Variants in PPFIA2 observed in about 807,000 individuals in gnomAD.
The protein encoded by PPFIA2 is PPFI scaffold protein A2, also known as liprin-alpha-2.
A neutral mutation model predicts 175.5 loss-of-function variants in PPFIA2; 46 were observed. That is an observed-to-expected ratio of 0.26 (90% CI 0.21 to 0.34). The LOEUF (loss-of-function observed/expected upper bound fraction) is 0.34. Ranked by LOEUF, PPFIA2 falls within the 10% of genes least tolerant of loss-of-function variation. PPFIA2 has a pLI of 1.00. For synonymous variants in PPFIA2, 568 were observed against 511.4 expected, an observed-to-expected ratio of 1.11 and a Z score of -1.49; for missense variants, 1,179 against 1,506.1, an observed-to-expected ratio of 0.78 and a Z score of 3.60.
chr12:81,425,971 C>T (rs1246522995), intron 7 of PPFIA2, among the ~76,000 whole-genome samples: 2 of 152,096 alleles, frequency 1.3e-5, no homozygotes, highest in Non-Finnish European at 2.9e-5. Context: ...GGAGGTCAGG[C>T]TTTTGCCCTC....
chr12:81,654,335 A>C (rs2067465195), intron 4 of PPFIA2, among the ~76,000 whole-genome samples: 1 of 152,036 alleles, frequency 6.6e-6, no homozygotes, highest in African/African-American at 2.4e-5. Flanking sequence ...AAATAAACAA[A>C]ACATAATTGT....
chr12:81,642,449 A>G (rs532123841), intron 4 of PPFIA2, among the ~76,000 whole-genome samples: 2 of 151,394 alleles, frequency 1.3e-5, no homozygotes, highest in South Asian at 2.1e-4. Flanking sequence ...TAATGTTAAT[A>G]AAAACTGAAA....
At chr12:81,629,133 C>A (rs775836825) in intron 4 of PPFIA2, among the ~76,000 whole-genome samples, 9 of 152,018 alleles carry the variant, frequency 5.9e-5, no homozygotes, top group Non-Finnish European at 1.3e-4. Flanking sequence ...ATCATACGAG[C>A]TTTGAAAATG....
chr12:81,475,697 G>A (rs967884175), intron 4 of PPFIA2, among the ~76,000 whole-genome samples: 2 of 152,102 alleles, frequency 1.3e-5, no homozygotes, highest in Non-Finnish European at 2.9e-5. Flanking sequence ...GGTTAAAAAT[G>A]TGAACGCTGA....
intron 28 of PPFIA2, among the ~76,000 whole-genome samples, chr12:81,271,720 T>C (rs1040291783): frequency 2.6e-5 from 4 of 152,218 alleles, no homozygotes; most frequent in African/African-American, 9.6e-5. Flanking sequence ...TTAATTTCAC[T>C]TATTCCCTTC....
chr12:81,669,088 T>C (rs143986726), intron 4 of PPFIA2, among the ~76,000 whole-genome samples: 1 of 152,116 alleles, frequency 6.6e-6, no homozygotes, highest in East Asian at 1.9e-4. Context: ...ACATACGGCA[T>C]TCTAAATTTG....
chr12:81,285,715 G>A (rs148627030), intron 24 of PPFIA2, among the ~76,000 whole-genome samples: 1,999 of 152,084 alleles, frequency 0.013, 20 homozygotes, highest in Middle Eastern at 0.024. Context: ...ACTGCCAGTC[G>A]TCTAAAAGTA....
intron 22 of PPFIA2, chr12:81,302,559 A>C (rs12311061): frequency 3.6e-6 from 1 of 279,256 alleles, no homozygotes; most frequent in African/African-American, 2.2e-5. Flanking sequence ...GGTTTCCAAC[A>C]GTTAGGGCAA....
At chr12:81,519,375 T>G (rs756071580) in intron 4 of PPFIA2, among the ~76,000 whole-genome samples, 1 of 152,230 alleles carries the variant, frequency 6.6e-6, no homozygotes, top group African/African-American at 2.4e-5. Flanking sequence ...AGTCACAATG[T>G]AGTTCCCAAA....
Position 81,612,884 on chromosome 12 carries a change from G to A in PPFIA2, c.303+63907C>T, listed in dbSNP as rs552548197. Among the ~76,000 whole-genome samples, 20 of 152,038 alleles carry A rather than the reference G, an allele frequency of 1.3e-4. No homozygotes were observed. In the South Asian group the frequency reaches 3.9e-3, roughly 30 times the overall value. On this transcript the variant is annotated intron_variant, in intron 4 of 32. Coordinates refer to ENST00000549396, the MANE Select transcript of PPFIA2 (RefSeq NM_003625.5). ...AAATTTAAAATGGTGTTTTCTTTCCGTATTTTATTTCTTCTTATTTGTTAA... is the reference window on the plus strand; with the variant it reads ...AAATTTAAAATGGTGTTTTCTTTCCATATTTTATTTCTTCTTATTTGTTAA...
chr12:81,402,277 G>A (rs187978060), intron 8 of PPFIA2, among the ~76,000 whole-genome samples: 14 of 152,118 alleles, frequency 9.2e-5, no homozygotes, highest in Admixed American at 2.6e-4. Flanking sequence ...TACAGTCATC[G>A]TTGATAATCT....
chr12:81,612,829 A>G (rs2061063173), intron 4 of PPFIA2, among the ~76,000 whole-genome samples: 1 of 152,222 alleles, frequency 6.6e-6, no homozygotes, highest in African/African-American at 2.4e-5. Flanking sequence ...TTATCTACAT[A>G]AATACACGTG....
At chr12:81,507,453 G>T (rs934140543) in intron 4 of PPFIA2, among the ~76,000 whole-genome samples, 1 of 151,948 alleles carries the variant, frequency 6.6e-6, no homozygotes, top group Non-Finnish European at 1.5e-5. Context: ...GTTTTTAATT[G>T]AGTTTTATAT....
At chr12:81,465,031 G>C (rs1029733522) in intron 4 of PPFIA2, among the ~76,000 whole-genome samples, 1 of 152,118 alleles carries the variant, frequency 6.6e-6, no homozygotes. Context: ...CCCACCTCAG[G>C]AAAGCTGGTT....
intron 22 of PPFIA2, chr12:81,312,456 G>T: frequency 2.4e-6 from 1 of 409,782 alleles, no homozygotes; most frequent in African/African-American, 2.0e-5. Flanking sequence ...TCCCAGCCTC[G>T]AGTACATCCC....
chr12:81,489,732 A>T (rs1167917271), intron 4 of PPFIA2, among the ~76,000 whole-genome samples: 2 of 151,954 alleles, frequency 1.3e-5, no homozygotes, highest in East Asian at 1.9e-4. Flanking sequence ...CAAGCTATAC[A>T]TGAATAGTGA....
intron 7 of PPFIA2, among the ~76,000 whole-genome samples, chr12:81,425,755 G>T (rs149286985): frequency 7.2e-5 from 11 of 152,008 alleles, no homozygotes; most frequent in Admixed American, 6.6e-4. Context: ...AAACTTCCAC[G>T]ACACATTTTC....
At chr12:81,695,835 A>G (rs1437507534) in intron 3 of PPFIA2, among the ~76,000 whole-genome samples, 3 of 152,126 alleles carry the variant, frequency 2.0e-5, no homozygotes, top group Admixed American at 1.3e-4. Context: ...TATATTTCCC[A>G]ACTCTGGTTT....
chr12:81,436,646 T>C (rs1566823314), intron 7 of PPFIA2, among the ~76,000 whole-genome samples: 1 of 152,306 alleles, frequency 6.6e-6, no homozygotes, highest in South Asian at 2.1e-4. Context: ...GCTCTTACTA[T>C]AGAGAATCAA....
Sources: allele counts gnomAD v4.1 joint callset (sites outside exome capture counted in the v4.1 genomes callset), GRCh38; gene constraint gnomAD v4.1.1; transcripts MANE v1.5; gene names NCBI Gene and HGNC (gene_info 2026-07-23, HGNC 2026-07-21).